The following HDAC9 variants were observed in gnomAD, a reference collection of about 807,000 sequenced individuals.
HDAC9 encodes the protein histone deacetylase 9, also known as MEF-2 interacting transcription repressor (MITR) protein.
Under a neutral mutation model 139.4 loss-of-function variants are expected in HDAC9, and 41 were observed. That is an observed-to-expected ratio of 0.29 (90% CI 0.23 to 0.38). The LOEUF (loss-of-function observed/expected upper bound fraction) is 0.38, where lower values mean the gene tolerates loss of function less well. Ranked by LOEUF, HDAC9 falls within the 10% of genes least tolerant of loss-of-function variation. HDAC9 has a pLI of 1.00. For missense variants in HDAC9, 1,147 were observed against 1,297.0 expected, an observed-to-expected ratio of 0.88 and a Z score of 1.78; for synonymous variants, 517 against 476.2, an observed-to-expected ratio of 1.09 and a Z score of -1.12.
At chr7:18,353,393 C>T (rs1194575346) in intron 1 of HDAC9, among the ~76,000 whole-genome samples, 3 of 152,068 alleles carry the variant, frequency 2.0e-5, no homozygotes, top group South Asian at 2.1e-4. Flanking sequence ...AGACTTTTCT[C>T]GTGAGCAAAA....
chr7:18,273,490 G>A (rs1796521659), intron 2 of HDAC9, among the ~76,000 whole-genome samples: 1 of 152,204 alleles, frequency 6.6e-6, no homozygotes, highest in Non-Finnish European at 1.5e-5. Context: ...TTGTTGATCA[G>A]TGGGAAAGGG....
intron 2 of HDAC9, among the ~76,000 whole-genome samples, chr7:18,223,376 T>C (rs1792833889): frequency 6.6e-6 from 1 of 151,450 alleles, no homozygotes; most frequent in African/African-American, 2.4e-5. Flanking sequence ...ATGCTAAGAG[T>C]AAAAACCCCG....
intron 1 of HDAC9, among the ~76,000 whole-genome samples, chr7:18,484,133 A>G (rs1795791115): frequency 6.6e-6 from 1 of 150,458 alleles, no homozygotes; most frequent in Admixed American, 6.6e-5. Flanking sequence ...GCTTGAGCCA[A>G]GGAGTTCAAG....
At chr7:18,498,499 A>C (rs1797527778) in intron 2 of HDAC9, among the ~76,000 whole-genome samples, 1 of 152,080 alleles carries the variant, frequency 6.6e-6, no homozygotes, top group South Asian at 2.1e-4. Context: ...TTGTCCTTTG[A>C]GCTAACTGCT....
rs151020790 is a variant in HDAC9, at chr7:18,770,391, A to G, written c.2214+3236A>G. Reference sequence around the variant, plus strand: ...TAGATAATTAAGGGACTCTGGAAACAAGAGCCAGTGCAGGATCTCTTCAGT... The same window carrying G: ...TAGATAATTAAGGGACTCTGGAAACGAGAGCCAGTGCAGGATCTCTTCAGT... On this transcript the variant is annotated intron_variant, in intron 16 of 25. Transcript: ENST00000686413. 5.8e-3 allele frequency among the ~76,000 whole-genome samples: 887 copies of G among 152,242 alleles called. 15 individuals are homozygous for G. The highest frequency in any genetic ancestry group is 0.011 in the Non-Finnish European group (749 of 68,008).
At chr7:18,937,058 GAGAT>G (rs1310646177) in intron 23 of HDAC9, among the ~76,000 whole-genome samples, 1 of 56,872 alleles carries the variant, frequency 1.8e-5, no homozygotes, top group African/African-American at 5.0e-5. Flanking sequence ...TTTTTTTTCT[GAGAT>G]AGAGTCTCGC....
At chr7:18,473,952 G>C (rs1426136238) in intron 1 of HDAC9, among the ~76,000 whole-genome samples, 1 of 152,176 alleles carries the variant, frequency 6.6e-6, no homozygotes, top group African/African-American at 2.4e-5. Flanking sequence ...ACATCACTTA[G>C]GGTGCAGGAA....
intron 11 of HDAC9, among the ~76,000 whole-genome samples, chr7:18,665,333 C>G (rs764479908): frequency 5.3e-5 from 8 of 152,074 alleles, no homozygotes; most frequent in African/African-American, 1.9e-4. Flanking sequence ...TGAAATAAAA[C>G]AAATGACCAG....
intron 23 of HDAC9, among the ~76,000 whole-genome samples, chr7:18,942,267 AAT>A (rs1462866068): frequency 6.6e-6 from 1 of 152,110 alleles, no homozygotes; most frequent in Non-Finnish European, 1.5e-5. Flanking sequence ...AAATCAGACT[AAT>A]ATGAGCTAAT....
At chr7:18,578,328 G>T in intron 2 of HDAC9, 1 of 463,630 alleles carries the variant, frequency 2.2e-6, no homozygotes, top group South Asian at 1.6e-5. Context: ...GTTAGCCTGC[G>T]GAAAGAAGCT....
At chr7:18,397,056 C>G (rs540792103) in intron 1 of HDAC9, among the ~76,000 whole-genome samples, 2 of 152,126 alleles carry the variant, frequency 1.3e-5, no homozygotes, top group East Asian at 3.9e-4. Flanking sequence ...CGACTCCTAT[C>G]TTTAGGCAGA....
intron 22 of HDAC9, among the ~76,000 whole-genome samples, chr7:18,881,696 G>A (rs956398723): frequency 3.3e-5 from 5 of 152,078 alleles, no homozygotes; most frequent in Admixed American, 1.3e-4. Context: ...GTCTTTAAAT[G>A]TAAGTGTATT....
intron 1 of HDAC9, among the ~76,000 whole-genome samples, chr7:18,155,703 G>A (rs1787139535): frequency 1.3e-5 from 2 of 152,134 alleles, no homozygotes; most frequent in Admixed American, 1.3e-4. Flanking sequence ...TGTTAGATGT[G>A]TGGCCTTCTG....
At chr7:18,991,021 G>C (rs1422366585) in intron 25 of HDAC9, among the ~76,000 whole-genome samples, 1 of 152,240 alleles carries the variant, frequency 6.6e-6, no homozygotes, top group Non-Finnish European at 1.5e-5. Context: ...TGCCCATGCT[G>C]GGAGCTGTAG....
intron 1 of HDAC9, among the ~76,000 whole-genome samples, chr7:18,373,582 A>C (rs556444147): frequency 1.3e-5 from 2 of 152,282 alleles, no homozygotes; most frequent in East Asian, 3.9e-4. Context: ...ACATTTTTCT[A>C]CTTTAATGGG....
chr7:18,267,191 A>G (rs528683635), intron 2 of HDAC9, among the ~76,000 whole-genome samples: 4 of 152,214 alleles, frequency 2.6e-5, no homozygotes, highest in Admixed American at 2.6e-4. Flanking sequence ...ATTTTAATTG[A>G]CTTTATAATG....
At chr7:18,664,095 A>C (rs760441378) in intron 11 of HDAC9, among the ~76,000 whole-genome samples, 6 of 152,180 alleles carry the variant, frequency 3.9e-5, no homozygotes, top group Non-Finnish European at 5.9e-5. Context: ...TTAGGACTAT[A>C]ATATGGTCTC....
At chr7:18,960,993 C>CAG (rs1309663669) in intron 24 of HDAC9, among the ~76,000 whole-genome samples, 1 of 152,186 alleles carries the variant, frequency 6.6e-6, no homozygotes, top group Admixed American at 6.6e-5. Flanking sequence ...AATTATCTCA[C>CAG]AGACTTTACT....
intron 6 of HDAC9, among the ~76,000 whole-genome samples, chr7:18,606,985 C>A (rs1835693034): frequency 6.6e-6 from 1 of 151,942 alleles, no homozygotes; most frequent in Non-Finnish European, 1.5e-5. Flanking sequence ...TACTAAGATT[C>A]CTCATGATAA....
Sources: gnomAD v4.1 joint callset for allele counts (sites outside exome capture counted in the v4.1 genomes callset) on GRCh38, gnomAD v4.1.1 for gene constraint, MANE v1.5 for transcripts, NCBI Gene and HGNC (gene_info 2026-07-23, HGNC 2026-07-21) for gene names.